Variants in BCKDK observed in about 807,000 individuals in gnomAD.
BCKDK encodes branched-chain alpha-ketoacid dehydrogenase kinase.
BCKDK carries 28 observed loss-of-function variants against 43.9 expected under a neutral mutation model. That is an observed-to-expected ratio of 0.64 (90% CI 0.47 to 0.87). BCKDK has a LOEUF of 0.87. Ranked by LOEUF, BCKDK falls within the 40% of genes least tolerant of loss-of-function variation. BCKDK has a pLI of 0.00. For missense variants in BCKDK, 483 were observed against 581.4 expected (o/e 0.83, Z 1.74); for synonymous variants, 257 against 234.3 (o/e 1.10, Z -0.88).
intron 10 of BCKDK, 117 bp downstream of exon 10, chr16:31,111,506 C>A: frequency 1.8e-6 from 2 of 1,137,724 alleles, no homozygotes; most frequent in Non-Finnish European, 2.6e-6. Context: ...TGGTCCCTGA[C>A]CAGACAAACT....
chr16:31,115,902 T>A (rs1447406459), downstream of BCKDK: 1 of 152,196 alleles, frequency 6.6e-6, no homozygotes. Context: ...GCCGATTGTG[T>A]ATGGTTGGAC....
chr16:31,110,127 G>A lies in BCKDK; in HGVS notation c.423+3G>A, dbSNP rs369547482. ...AGAAGCTGACAGACTTCCCTCCGGT[G>A]AGTGCTGGGCCAGAGCAGGGTGAGG... On this transcript the variant is annotated splice_donor_region_variant and intron_variant, in intron 5 of 11. Coordinates refer to ENST00000219794, the MANE Select transcript of BCKDK (RefSeq NM_005881.4). The surrounding 1 kb of genome is among the most constrained non-coding windows in gnomAD (Gnocchi z 5.4). The A allele has an allele frequency of 1.2e-6, 2 of 1,614,058 alleles. No individual in the cohort carries two copies. Among genetic ancestry groups the A allele is most frequent in the African/African-American group, 2.7e-5 (2 of 74,922 alleles).
rs1296937672 is a variant in BCKDK, at chr16:31,110,443, T to G, written c.586T>G (p.Ser196Ala). The change falls in exon 7 of 12, where the codon TCG becomes GCG. Residue 196 changes from serine to alanine, a missense_variant. Transcript: ENST00000219794. This position sits in a 1 kb window ranked among gnomAD's most constrained non-coding sequence, Gnocchi z 5.4. Reference sequence around the variant, plus strand: ...CTACTTCTTGGACAAGACGCTGACTTCGAGGCTTGGAATCCGCATGTTGGC... The same window carrying G: ...CTACTTCTTGGACAAGACGCTGACTGCGAGGCTTGGAATCCGCATGTTGGC... The part of the protein sequence containing the change: ...VRYFLDKTLT[S>A]RLGIRMLATH... 2 of 1,613,870 alleles carry G rather than the reference T, an allele frequency of 1.2e-6. No individual in the cohort carries two copies. The highest frequency in any genetic ancestry group is 1.7e-6 in the Non-Finnish European group (2 of 1,180,026).
downstream of BCKDK, among the ~76,000 whole-genome samples, chr16:31,115,166 A>G (rs2057438990): frequency 6.7e-6 from 1 of 148,654 alleles, no homozygotes; most frequent in Admixed American, 6.7e-5. Context: ...CAAGTAATCC[A>G]CCTGCTTCGG....
intron 10 of BCKDK, among the ~76,000 whole-genome samples, chr16:31,111,651 T>C (rs1158476953): frequency 6.6e-6 from 1 of 152,156 alleles, no homozygotes; most frequent in Non-Finnish European, 1.5e-5. Context: ...TCTAGGATGC[T>C]GGGCCGAGGA....
downstream of BCKDK, chr16:31,117,565 C>T (rs1031217043): frequency 2.4e-5 from 20 of 841,044 alleles, no homozygotes; most frequent in Admixed American, 3.0e-4. Context: ...AGCCAATCGG[C>T]TCCTGCTACA....
In BCKDK at chr16:31,110,588, T is replaced by A; in HGVS notation, c.642+89T>A. 2 of 1,589,966 alleles carry A rather than the reference T, an allele frequency of 1.3e-6. No homozygotes were observed. Among genetic ancestry groups the A allele is most frequent in the Non-Finnish European group, 8.6e-7 (1 of 1,158,720 alleles). On this transcript the variant is annotated intron_variant, in intron 7 of 11. Transcript: ENST00000219794. The surrounding 1 kb of genome is among the most constrained non-coding windows in gnomAD (Gnocchi z 5.4). ...GGATCCGGGTCAAGGGCCTGGGGGC[T>A]GAGGCTGTGGGGCTGGTGCTTTGGG... is the stretch of plus-strand genomic sequence containing the variant.
chr16:31,111,434 T>C (rs1370643510), intron 10 of BCKDK, 45 bp downstream of exon 10: 1 of 1,586,092 alleles, frequency 6.3e-7, no homozygotes, highest in African/African-American at 1.3e-5. Context: ...GGGATGGGGG[T>C]CTAGGCACTG....
At position 31,108,566 on chromosome 16, in the gene BCKDK, G is replaced by C. The variant is rs1393249222; in HGVS notation, c.-178+87G>C. ...TCCATCACAGCGCGGGCGCGCAGAC[G>C]GGGCTGGCATCTACCATATGGGGGG... is the stretch of plus-strand genomic sequence containing the variant. On this transcript the variant is annotated intron_variant, in intron 1 of 11. Transcript: ENST00000219794. This position sits in a 1 kb window ranked among gnomAD's most constrained non-coding sequence, Gnocchi z 6.2. The C allele has an allele frequency of 6.6e-6, 1 of 152,324 alleles. No individual in the cohort carries two copies. The highest frequency in any genetic ancestry group is 1.5e-5 in the Non-Finnish European group (1 of 68,112). 9.4% of individuals were successfully genotyped at this position (152,324 alleles called of 1,614,324 possible).
chr16:31,117,151 C>A (rs1315504399), downstream of BCKDK, among the ~76,000 whole-genome samples: 1 of 151,976 alleles, frequency 6.6e-6, no homozygotes, highest in African/African-American at 2.4e-5. Flanking sequence ...GCTGGCAGAT[C>A]ACGAGGTCAA....
downstream of BCKDK, chr16:31,117,629 G>A (rs547221929): frequency 2.5e-5 from 33 of 1,329,782 alleles, no homozygotes; most frequent in East Asian, 1.2e-4. Flanking sequence ...CTGCTGACCC[G>A]GAGCCAAAAG....
chr16:31,109,502 C>T lies in BCKDK; in HGVS notation c.196-9C>T. The T allele has an allele frequency of 6.2e-7, 1 of 1,614,062 alleles. No homozygotes were observed. The highest frequency in any genetic ancestry group is 1.3e-5 in the African/African-American group (1 of 75,044). ...GGGTTCTCTGCTCAAGGCCTCTCTC[C>T]CTCTCTAGCCCTCAGTCCGCCTAAC... On this transcript the variant is annotated splice_polypyrimidine_tract_variant and intron_variant, in intron 2 of 11. Coordinates refer to ENST00000219794, the MANE Select transcript of BCKDK (RefSeq NM_005881.4). The surrounding 1 kb of genome is among the most constrained non-coding windows in gnomAD (Gnocchi z 5.3).
Position 31,109,087 on chromosome 16 carries a change from C to T in BCKDK, c.-137C>T, listed in dbSNP as rs2057386767. On this transcript the variant is annotated 5_prime_UTR_variant, in exon 2 of 12. Transcript: ENST00000219794. The surrounding 1 kb of genome is among the most constrained non-coding windows in gnomAD (Gnocchi z 5.3). Reference sequence around the variant, plus strand: ...CGCGGGCTGAGCCTGTCAGCATCCTCGACGCACCCTGGTCCCTGAAGTCGG... The same window carrying T: ...CGCGGGCTGAGCCTGTCAGCATCCTTGACGCACCCTGGTCCCTGAAGTCGG... The T allele has an allele frequency of 2.7e-6, 2 of 754,026 alleles. No individual in the cohort carries two copies. The highest frequency in any genetic ancestry group is 2.0e-6 in the Non-Finnish European group (1 of 504,038). The allele number at this position is 754,026 out of a possible 1,614,324, so 46.7% of individuals were successfully genotyped here.
At chr16:31,117,473 C>T (rs1190214593), downstream of BCKDK, 2 of 406,500 alleles carry the variant, frequency 4.9e-6, no homozygotes, top group Non-Finnish European at 4.3e-6. Flanking sequence ...GCTGCAGCCA[C>T]AGGTCCGCAC....
downstream of BCKDK, among the ~76,000 whole-genome samples, chr16:31,114,058 C>T (rs1596813038): frequency 1.3e-5 from 2 of 152,184 alleles, no homozygotes; most frequent in Admixed American, 1.3e-4. Context: ...GCTCTATTAA[C>T]CTAAGGATGG....
downstream of BCKDK, chr16:31,117,521 A>G (rs1335127516): frequency 5.8e-6 from 3 of 519,190 alleles, no homozygotes; most frequent in African/African-American, 2.0e-5. Flanking sequence ...CACACTCAAC[A>G]TCCAACTCGC....
Position 31,112,309 on chromosome 16 carries a change from T to G in BCKDK, c.*44T>G. 6.2e-7 allele frequency: 1 copy of G among 1,601,894 alleles called. No individual in the cohort carries two copies. Among genetic ancestry groups the G allele is most frequent in the South Asian group, 1.1e-5 (1 of 91,082 alleles). On this transcript the variant is annotated 3_prime_UTR_variant, in exon 12 of 12. Transcript: ENST00000219794. This position sits in a 1 kb window ranked among gnomAD's most constrained non-coding sequence, Gnocchi z 5.0. ...GCTCACCCGACCAGCCTGGGCCGCA[T>G]TCCCTGCAGGACCTCCCGGGTCAGG...
downstream of BCKDK, among the ~76,000 whole-genome samples, chr16:31,114,350 T>C (rs1394154559): frequency 3.9e-5 from 5 of 128,378 alleles, no homozygotes; most frequent in African/African-American, 1.5e-4. Flanking sequence ...GTAGCTGGGA[T>C]TACAGGCGCG....
downstream of BCKDK, among the ~76,000 whole-genome samples, chr16:31,116,928 A>AGT (rs2057450155): frequency 3.7e-5 from 1 of 27,286 alleles, no homozygotes; most frequent in African/African-American, 1.1e-4. Flanking sequence ...AAAAAAAAAA[A>AGT]GGGGGGGGGG....
Sources: allele counts gnomAD v4.1 joint callset (sites outside exome capture counted in the v4.1 genomes callset), GRCh38; gene constraint gnomAD v4.1.1; non-coding constraint Gnocchi (gnomAD v3.1); transcripts MANE v1.5; gene names NCBI Gene and HGNC (gene_info 2026-07-23, HGNC 2026-07-21).